The following SDK1 variants were observed in gnomAD, a reference collection of about 807,000 sequenced individuals.
SDK1 encodes the protein protein sidekick-1.
SDK1 carries 157 observed loss-of-function variants against 245.5 expected under a neutral mutation model. The ratio of observed to expected loss-of-function variants is 0.64; its 90% CI spans 0.56 to 0.73. SDK1 has a LOEUF of 0.73. SDK1 is among the 30% of genes least tolerant of loss of function. The pLI, the probability that SDK1 is intolerant of heterozygous loss-of-function variation, is 0.00. For synonymous variants in SDK1, 1,647 were observed against 1,278.5 expected (o/e 1.29, Z -6.15); for missense variants, 3,583 against 3,002.3 (o/e 1.19, Z -4.52).
At chr7:3,988,399 T>G (rs1206002112) in intron 14 of SDK1, among the ~76,000 whole-genome samples, 1 of 152,016 alleles carries the variant, frequency 6.6e-6, no homozygotes, top group Non-Finnish European at 1.5e-5. Context: ...CGGCCCTGTT[T>G]CCTCATCCAA....
chr7:3,862,143 T>C (rs1329668140), intron 5 of SDK1, among the ~76,000 whole-genome samples: 1 of 152,230 alleles, frequency 6.6e-6, no homozygotes, highest in Non-Finnish European at 1.5e-5. Flanking sequence ...ACTTACGCAA[T>C]GCTTAGGAAA....
intron 1 of SDK1, among the ~76,000 whole-genome samples, chr7:3,616,075 A>T (rs1412011692): frequency 6.6e-6 from 1 of 151,842 alleles, no homozygotes; most frequent in African/African-American, 2.4e-5. Context: ...TTTTGTGGAG[A>T]TGGGGTCTCA....
At chr7:4,065,694 G>GTTGTTTT (rs1779841876) in intron 19 of SDK1, among the ~76,000 whole-genome samples, 18 of 66,738 alleles carry the variant, frequency 2.7e-4, no homozygotes, top group African/African-American at 6.2e-4. Context: ...AGTGGTTGTT[G>GTTGTTTT]TTTTTTTTTT....
chr7:3,437,302 T>A (rs191418320), intron 1 of SDK1, among the ~76,000 whole-genome samples: 1 of 152,226 alleles, frequency 6.6e-6, no homozygotes, highest in East Asian at 1.9e-4. Context: ...GGGTGGGCCT[T>A]GGGGTGGAAT....
chr7:3,346,821 ATATATATTTTTTTTT>A (rs1780516141), intron 1 of SDK1, among the ~76,000 whole-genome samples: 1 of 30,890 alleles, frequency 3.2e-5, no homozygotes, highest in African/African-American at 1.6e-4. Flanking sequence ...ATATATATAT[ATATATATTTTTTTTT>A]TTTTTTTTTT....
intron 1 of SDK1, among the ~76,000 whole-genome samples, chr7:3,511,945 T>C (rs1313055450): frequency 2.0e-5 from 3 of 150,714 alleles, no homozygotes; most frequent in African/African-American, 4.9e-5. Context: ...GTTGCAACCA[T>C]TGATGAGCCT....
chr7:3,888,368 GC>G (rs2128101067), intron 5 of SDK1, among the ~76,000 whole-genome samples: 1 of 152,330 alleles, frequency 6.6e-6, no homozygotes, highest in African/African-American at 2.4e-5. Flanking sequence ...ACCAGAAATG[GC>G]TCCTGCGGAG....
In SDK1 at chr7:4,177,851, C is replaced by T. The variant is rs536495140; in HGVS notation, c.4997-634C>T. ...GAGCCCTGAGCTTGTTTTCCTGCAA[C>T]TAGACGGTCCCATCTTGGGGGGAGG... is the stretch of plus-strand genomic sequence containing the variant. On this transcript the variant is annotated intron_variant, in intron 34 of 44. Coordinates refer to ENST00000404826, the MANE Select transcript of SDK1 (RefSeq NM_152744.4). 2.8e-4 allele frequency among the ~76,000 whole-genome samples: 42 copies of T among 152,328 alleles called. 1 individual carries two copies. In the South Asian group the frequency reaches 8.7e-3, roughly 32 times the overall value.
chr7:4,107,302 G>A (rs1782998066), intron 22 of SDK1, among the ~76,000 whole-genome samples: 1 of 152,150 alleles, frequency 6.6e-6, no homozygotes, highest in South Asian at 2.1e-4. Context: ...GCACAGACCA[G>A]GCAAGGACCC....
At chr7:3,827,540 G>C (rs1779807470) in intron 5 of SDK1, among the ~76,000 whole-genome samples, 1 of 152,190 alleles carries the variant, frequency 6.6e-6, no homozygotes, top group African/African-American at 2.4e-5. Context: ...TATAAATCAG[G>C]TGTTTTCAAT....
intron 4 of SDK1, among the ~76,000 whole-genome samples, chr7:3,651,864 C>T (rs62437896): frequency 3.3e-5 from 5 of 152,116 alleles, no homozygotes; most frequent in South Asian, 4.1e-4. Context: ...TGTCTTCGAA[C>T]GCCAAGGGAT....
rs1784836333 is a variant in SDK1 at position 3,704,717 on chromosome 7, A to AT, written c.713+62617dup. Among the ~76,000 whole-genome samples the AT allele has an allele frequency of 2.0e-5, 3 of 152,008 alleles. No individual in the cohort carries two copies. In the South Asian group the frequency reaches 6.2e-4, roughly 32 times the overall value. The stretch of plus-strand genomic sequence containing the variant: ...AATTAGATCCCATTTATTTATTTTC[A>AT]TTTTTGTTGCATTTGCTTTTGAGGT... On this transcript the variant is annotated intron_variant, in intron 4 of 44. Coordinates refer to ENST00000404826, the MANE Select transcript of SDK1 (RefSeq NM_152744.4).
intron 25 of SDK1, among the ~76,000 whole-genome samples, chr7:4,124,366 C>T (rs1222625061): frequency 6.6e-6 from 1 of 152,182 alleles, no homozygotes; most frequent in Non-Finnish European, 1.5e-5. Flanking sequence ...GGCCCCTCTC[C>T]AGCATCTGGT....
chr7:4,017,945 G>C (rs898547048), intron 17 of SDK1, among the ~76,000 whole-genome samples: 1 of 152,180 alleles, frequency 6.6e-6, no homozygotes, highest in Non-Finnish European at 1.5e-5. Flanking sequence ...CGGGTGCGGC[G>C]TGGCAGGCTT....
At chr7:3,524,695 G>C (rs1018960243) in intron 1 of SDK1, among the ~76,000 whole-genome samples, 1 of 152,152 alleles carries the variant, frequency 6.6e-6, no homozygotes, top group Non-Finnish European at 1.5e-5. Flanking sequence ...TCAACGTTAG[G>C]AGCTCACCTT....
intron 22 of SDK1, among the ~76,000 whole-genome samples, chr7:4,103,797 G>A (rs1286680654): frequency 6.6e-6 from 1 of 152,238 alleles, no homozygotes; most frequent in African/African-American, 2.4e-5. Flanking sequence ...CAGCAGCCGA[G>A]GAGGAGTCAG....
At chr7:4,022,065 G>C (rs986766963) in intron 17 of SDK1, among the ~76,000 whole-genome samples, 11 of 152,190 alleles carry the variant, frequency 7.2e-5, no homozygotes, top group African/African-American at 2.7e-4. Flanking sequence ...AGTACCCCCA[G>C]CTATTAGCAC....
intron 1 of SDK1, among the ~76,000 whole-genome samples, chr7:3,522,800 A>G (rs1276157148): frequency 6.6e-6 from 1 of 152,152 alleles, no homozygotes; most frequent in African/African-American, 2.4e-5. Flanking sequence ...TCTGGTTTTA[A>G]AATTGTTTCC....
chr7:3,493,618 A>G (rs527657149), intron 1 of SDK1, among the ~76,000 whole-genome samples: 1 of 152,322 alleles, frequency 6.6e-6, no homozygotes, highest in African/African-American at 2.4e-5. Context: ...AATTATAGAA[A>G]AGAATGTTAG....
Sources: gnomAD v4.1 joint callset for allele counts (sites outside exome capture counted in the v4.1 genomes callset) on GRCh38, gnomAD v4.1.1 for gene constraint, MANE v1.5 for transcripts, NCBI Gene and HGNC (gene_info 2026-07-23, HGNC 2026-07-21) for gene names.